Variants in IL1RAPL1 observed in about 807,000 individuals in gnomAD.
IL1RAPL1 encodes the protein interleukin 1 receptor accessory protein like 1, also known as interleukin-1 receptor accessory protein-like 1.
In IL1RAPL1, 3 loss-of-function variants were observed where a neutral mutation model predicts 48.4. The ratio of observed to expected loss-of-function variants is 0.06; its 90% confidence interval spans 0.03 to 0.16. The LOEUF is 0.16. IL1RAPL1 is among the 10% of genes least tolerant of loss of function. The probability of loss-of-function intolerance (pLI) is 1.00; values close to 1 mark genes in which losing one functional copy is unlikely to be tolerated. For missense variants in IL1RAPL1, 349 were observed against 530.6 expected (o/e 0.66, Z 3.36); for synonymous variants, 185 against 187.7 (o/e 0.99, Z 0.12).
At chrX:29,610,897 AT>A (rs1924070971) in intron 5 of IL1RAPL1, among the ~76,000 whole-genome samples, 1 of 111,791 alleles carries the variant, frequency 8.9e-6, no homozygotes. Flanking sequence ...CTAAGCTCTG[AT>A]TTTTTATCTT....
intron 2 of IL1RAPL1, among the ~76,000 whole-genome samples, chrX:29,184,697 C>T (rs1930217291): frequency 9.0e-6 from 1 of 110,540 alleles, no homozygotes; most frequent in African/African-American, 3.3e-5. Flanking sequence ...GATGGGGTTT[C>T]ACCATGTTGG....
At chrX:28,658,964 C>T (rs1269451558) in intron 1 of IL1RAPL1, 1 of 330,300 alleles carries the variant, frequency 3.0e-6, no homozygotes, top group Non-Finnish European at 4.9e-6. Context: ...TACATTTTGA[C>T]CCCATGGAAA....
intron 6 of IL1RAPL1, among the ~76,000 whole-genome samples, chrX:29,798,425 C>T (rs1056695297): frequency 8.9e-6 from 1 of 111,901 alleles, no homozygotes; most frequent in Admixed American, 9.5e-5. Context: ...GCCTAAAACA[C>T]AGCATATGGT....
chrX:28,647,799 A>G (rs1429972403), intron 1 of IL1RAPL1, among the ~76,000 whole-genome samples: 1 of 111,655 alleles, frequency 9.0e-6, no homozygotes, highest in Non-Finnish European at 1.9e-5. Flanking sequence ...TGTTTCTTGG[A>G]CCAAGCATCT....
chrX:29,691,076 A>G (rs1197609540), intron 6 of IL1RAPL1, among the ~76,000 whole-genome samples: 1 of 111,695 alleles, frequency 9.0e-6, no homozygotes, highest in Non-Finnish European at 1.9e-5. Context: ...CATACTTGGC[A>G]TTTATTTGGA....
At chrX:29,166,808 T>C (rs1237308341) in intron 2 of IL1RAPL1, among the ~76,000 whole-genome samples, 5 of 111,894 alleles carry the variant, frequency 4.5e-5, no homozygotes, top group South Asian at 3.7e-4. Flanking sequence ...GCCTTGACTT[T>C]TTCATCCCAG....
intron 2 of IL1RAPL1, among the ~76,000 whole-genome samples, chrX:29,201,733 C>T (rs1014450974): frequency 6.4e-5 from 7 of 108,743 alleles, no homozygotes; most frequent in African/African-American, 2.4e-4. Flanking sequence ...CTCTTGTTGC[C>T]TGGGCTAGAG....
chrX:28,968,624 A>C (rs903102736), intron 2 of IL1RAPL1, among the ~76,000 whole-genome samples: 2 of 112,968 alleles, frequency 1.8e-5, no homozygotes, highest in African/African-American at 6.4e-5. Context: ...AAATAACATG[A>C]GTTAAGCATT....
chrX:29,906,828 T>C (rs1433499866), intron 6 of IL1RAPL1, among the ~76,000 whole-genome samples: 9 of 110,023 alleles, frequency 8.2e-5, no homozygotes, highest in Non-Finnish European at 1.7e-4. Context: ...TTCAAATCCC[T>C]GGAACTCTCC....
In IL1RAPL1 at chrX:29,006,647, ATGTGTGTGTGTGTGTG is replaced by A. The variant is rs547186942; in HGVS notation, c.82+217254_82+217269del. ...CCCACATTTGTGTGTGTTTATATAT[ATGTGTGTGTGTGTGTG>A]TGTGTGTGTGTGTGTGTGTGTGTGT... On this transcript the variant is annotated intron_variant, in intron 2 of 10. Transcript: ENST00000378993. Among the ~76,000 whole-genome samples, 85 of 76,927 alleles carry A rather than the reference ATGTGTGTGTGTGTGTG, an allele frequency of 1.1e-3. 1 individual carries two copies. In the South Asian group the frequency reaches 0.012, roughly 11 times the overall value. The allele number at this position is 76,927 out of a possible 115,157, so 66.8% of individuals were successfully genotyped here.
intron 6 of IL1RAPL1, among the ~76,000 whole-genome samples, chrX:29,697,015 G>A (rs1437635980): frequency 8.9e-6 from 1 of 111,891 alleles, no homozygotes; most frequent in East Asian, 2.8e-4. Flanking sequence ...AGTTATAAGT[G>A]AAGTCATATT....
intron 2 of IL1RAPL1, among the ~76,000 whole-genome samples, chrX:28,822,425 C>T (rs1936946100): frequency 8.9e-6 from 1 of 111,805 alleles, no homozygotes; most frequent in Non-Finnish European, 1.9e-5. Flanking sequence ...TATTTGCTAT[C>T]TGACCTTTTA....
intron 2 of IL1RAPL1, among the ~76,000 whole-genome samples, chrX:29,187,488 C>T (rs1930273952): frequency 9.0e-6 from 1 of 111,294 alleles, no homozygotes; most frequent in Admixed American, 9.6e-5. Context: ...CCTGTTTGTA[C>T]TGTGAGTTGC....
At chrX:29,388,224 A>G (rs1296379548) in intron 3 of IL1RAPL1, among the ~76,000 whole-genome samples, 1 of 109,137 alleles carries the variant, frequency 9.2e-6, no homozygotes, top group Non-Finnish European at 1.9e-5. Flanking sequence ...TGTACTAGGC[A>G]CTTAAGGAGA....
chrX:29,179,689 C>G (rs905011870), intron 2 of IL1RAPL1, among the ~76,000 whole-genome samples: 1 of 111,506 alleles, frequency 9.0e-6, no homozygotes, highest in Non-Finnish European at 1.9e-5. Context: ...TGAACGCATG[C>G]TGAGTTTGAA....
At chrX:29,644,623 G>A (rs763325906) in intron 5 of IL1RAPL1, among the ~76,000 whole-genome samples, 8 of 109,921 alleles carry the variant, frequency 7.3e-5, no homozygotes, top group Admixed American at 6.8e-4. Flanking sequence ...CTGGAGTGCC[G>A]TGGCATGATC....
chrX:29,173,226 C>G (rs770741486), intron 2 of IL1RAPL1, among the ~76,000 whole-genome samples: 1 of 111,088 alleles, frequency 9.0e-6, no homozygotes, highest in Non-Finnish European at 1.9e-5. Context: ...ATGCCTTGTA[C>G]AAAATCAGTA....
chrX:29,518,152 A>G (rs1287288269), intron 5 of IL1RAPL1, among the ~76,000 whole-genome samples: 2 of 111,920 alleles, frequency 1.8e-5, no homozygotes, highest in African/African-American at 3.2e-5. Flanking sequence ...AAAACAGACA[A>G]AGAGGCAAAA....
intron 6 of IL1RAPL1, among the ~76,000 whole-genome samples, chrX:29,843,405 T>TTAGGAC (rs1344192772): frequency 8.9e-6 from 1 of 112,300 alleles, no homozygotes; most frequent in Non-Finnish European, 1.9e-5. Context: ...TTAATTACTC[T>TTAGGAC]TAGGACATTA....
Sources: allele counts gnomAD v4.1 joint callset (sites outside exome capture counted in the v4.1 genomes callset), GRCh38; gene constraint gnomAD v4.1.1; transcripts MANE v1.5; gene names NCBI Gene and HGNC (gene_info 2026-07-23, HGNC 2026-07-21).